Variants in MBOAT2 observed in about 807,000 individuals in gnomAD.
MBOAT2 encodes membrane bound glycerophospholipid O-acyltransferase 2, also known as membrane-bound glycerophospholipid O-acyltransferase 2.
Under a neutral mutation model 63.4 loss-of-function variants are expected in MBOAT2, and 28 were observed. The ratio of observed to expected loss-of-function variants is 0.44; its 90% CI spans 0.33 to 0.61. The LOEUF is 0.61. Ranked by LOEUF, MBOAT2 falls within the 20% of genes least tolerant of loss-of-function variation. The pLI, the probability that MBOAT2 is intolerant of heterozygous loss-of-function variation, is 0.03. For synonymous variants in MBOAT2, 211 were observed against 215.6 expected (o/e 0.98, Z 0.19); for missense variants, 470 against 605.8 (o/e 0.78, Z 2.35).
rs1385936524 is a variant in MBOAT2 at position 9,003,464 on chromosome 2, G to A, written c.75+76C>T. The A allele has an allele frequency of 5.0e-6, 5 of 1,000,698 alleles. No homozygotes were observed. The highest frequency in any genetic ancestry group is 3.4e-5 in the African/African-American group (2 of 58,122). 62.0% of individuals were successfully genotyped at this position (1,000,698 alleles called of 1,614,324 possible). Reference sequence around the variant, plus strand: ...GCCCCAGCCCCCACCCTCCTCCCGGGCCCCCGGTCGGGTGGCACCGCGGCG... The same window carrying A: ...GCCCCAGCCCCCACCCTCCTCCCGGACCCCCGGTCGGGTGGCACCGCGGCG... On this transcript the variant is annotated intron_variant, in intron 1 of 12. Coordinates refer to ENST00000305997, the MANE Select transcript of MBOAT2 (RefSeq NM_138799.4). This position sits in a 1 kb window ranked among gnomAD's most constrained non-coding sequence, Gnocchi z 5.4.
rs1572942641 is a variant in MBOAT2 at position 8,877,203 on chromosome 2, T to C, written c.517A>G (p.Ser173Gly). The change falls in exon 7 of 13, where the codon AGC (serine) becomes GGC (glycine). Residue 173 changes from serine (S) to glycine (G), a missense_variant. Ser to Gly is a moderately conservative substitution (Grantham distance 56). Around this residue, in one of 3 missense-constraint regions of MBOAT2, gnomAD observed 376 missense variants for 503.8 expected, o/e 0.75. Transcript: ENST00000305997. Reference protein sequence around the residue: ...QRDLAVRRMPSLLEYLSYNCN... With the variant: ...QRDLAVRRMPGLLEYLSYNCN... ...TTGTAACTCAAATACTCCAGTAAGC[T>C]TGGCATGCGCCTGCAATGAAAAGAC... 6.2e-7 allele frequency: 1 copy of C among 1,610,708 alleles called. No individual in the cohort carries two copies. Among genetic ancestry groups the C allele is most frequent in the African/African-American group, 1.3e-5 (1 of 74,750 alleles).
intron 5 of MBOAT2, among the ~76,000 whole-genome samples, chr2:8,886,308 C>CT (rs1297114610): frequency 6.6e-6 from 1 of 152,220 alleles, no homozygotes; most frequent in African/African-American, 2.4e-5. Context: ...CACCTTTGTA[C>CT]TTTATTGACT....
intron 3 of MBOAT2, among the ~76,000 whole-genome samples, chr2:8,925,233 A>AT (rs1221623245): frequency 3.9e-5 from 6 of 152,200 alleles, no homozygotes; most frequent in Admixed American, 2.6e-4. Context: ...CTCAGGGGCC[A>AT]TATTTTAATA....
intron 3 of MBOAT2, among the ~76,000 whole-genome samples, 157 bp downstream of exon 3, chr2:8,943,030 T>A (rs1668160146): frequency 6.6e-6 from 1 of 152,224 alleles, no homozygotes; most frequent in African/African-American, 2.4e-5. Context: ...AGAAGAATGA[T>A]GCATACCAAT....
chr2:8,919,797 CCAGGCTGGAGCA>C (rs1346490073), intron 3 of MBOAT2, among the ~76,000 whole-genome samples: 1 of 151,790 alleles, frequency 6.6e-6, no homozygotes, highest in East Asian at 1.9e-4. Flanking sequence ...TCGCTGTTTC[CCAGGCTGGAGCA>C]CAGTGGTACA....
At position 9,000,328 on chromosome 2, in the gene MBOAT2, T is replaced by TA. The variant is rs1427352063; in HGVS notation, c.75+3211_75+3212insT. Among the ~76,000 whole-genome samples, 7 of 152,312 alleles carry TA rather than the reference T, an allele frequency of 4.6e-5. No homozygotes were observed. The East Asian group carries it at 1.3e-3, about 29-fold the overall frequency. On this transcript the variant is annotated intron_variant, in intron 1 of 12. Coordinates refer to ENST00000305997, the MANE Select transcript of MBOAT2 (RefSeq NM_138799.4). ...TTTCTCTCAACTTGGAATAAATGAT[T>TA]TACATTATAAAAATTTTTATTTTGC...
intron 9 of MBOAT2, among the ~76,000 whole-genome samples, chr2:8,865,216 A>T (rs1398604478): frequency 6.6e-6 from 1 of 152,174 alleles, no homozygotes; most frequent in Non-Finnish European, 1.5e-5. Flanking sequence ...TTCAAAATAA[A>T]GTCAAGAAGA....
intron 4 of MBOAT2, among the ~76,000 whole-genome samples, chr2:8,888,403 C>T (rs1213905809): frequency 6.6e-6 from 1 of 152,160 alleles, no homozygotes; most frequent in African/African-American, 2.4e-5. Flanking sequence ...AGGTAAGAAG[C>T]ACGCAGGCAT....
At chr2:8,874,616 C>T (rs1662573898) in intron 7 of MBOAT2, among the ~76,000 whole-genome samples, 1 of 152,134 alleles carries the variant, frequency 6.6e-6, no homozygotes, top group Non-Finnish European at 1.5e-5. Flanking sequence ...AGGTGATATC[C>T]TCAGCCCCCT....
chr2:8,899,993 C>A (rs1177982941), intron 4 of MBOAT2, among the ~76,000 whole-genome samples: 2 of 152,154 alleles, frequency 1.3e-5, no homozygotes, highest in Admixed American at 6.5e-5. Context: ...AATCAATTGA[C>A]CCTCTAGTGA....
At chr2:8,932,010 A>C (rs1321388876) in intron 3 of MBOAT2, among the ~76,000 whole-genome samples, 1 of 152,158 alleles carries the variant, frequency 6.6e-6, no homozygotes, top group Non-Finnish European at 1.5e-5. Context: ...GCCACGCTCA[A>C]TTGTTCTAAT....
intron 1 of MBOAT2, among the ~76,000 whole-genome samples, chr2:9,000,259 T>C (rs1379388819): frequency 6.6e-6 from 1 of 152,254 alleles, no homozygotes; most frequent in East Asian, 1.9e-4. Context: ...GATTTGTCTT[T>C]TTCCTGTTGA....
intron 3 of MBOAT2, among the ~76,000 whole-genome samples, chr2:8,936,156 G>A (rs908379531): frequency 6.6e-6 from 1 of 152,192 alleles, no homozygotes; most frequent in Non-Finnish European, 1.5e-5. Flanking sequence ...TAGTTTGACT[G>A]TAAGCTTCAT....
intron 5 of MBOAT2, among the ~76,000 whole-genome samples, chr2:8,884,272 C>T (rs1297076594): frequency 1.4e-5 from 2 of 142,082 alleles, no homozygotes; most frequent in African/African-American, 5.2e-5. Flanking sequence ...ATTTTTTCTT[C>T]GTATTTCCAA....
chr2:8,949,756 T>C (rs1668685047), intron 2 of MBOAT2, among the ~76,000 whole-genome samples: 1 of 152,234 alleles, frequency 6.6e-6, no homozygotes, highest in African/African-American at 2.4e-5. Context: ...TAGTATAGTT[T>C]TAAGTCATGT....
In MBOAT2 at chr2:8,852,872, A is replaced by G. The variant is rs1660852808; in HGVS notation, c.*5807T>C. On this transcript the variant is annotated 3_prime_UTR_variant, in exon 13 of 13. Transcript: ENST00000305997. ...GAGCACATCTCAGTTTGACTGACACAGTGGGAGTTTTAATTTACCGTACAT... is the reference window on the plus strand; with the variant it reads ...GAGCACATCTCAGTTTGACTGACACGGTGGGAGTTTTAATTTACCGTACAT... The G allele has an allele frequency of 6.6e-6, 1 of 152,244 alleles. No individual in the cohort carries two copies. The highest frequency in any genetic ancestry group is 1.5e-5 in the Non-Finnish European group (1 of 68,046). 9.4% of individuals were successfully genotyped at this position (152,244 alleles called of 1,614,324 possible). A position where few individuals can be genotyped will look rare whatever the true frequency, so the allele number is the denominator to read the frequency against.
At position 8,876,847 on chromosome 2, in the gene MBOAT2, G is replaced by C. The variant is rs1662734186; in HGVS notation, c.690+183C>G. 1.2e-5 allele frequency: 6 copies of C among 518,960 alleles called. No individual in the cohort carries two copies. Among genetic ancestry groups the C allele is most frequent in the South Asian group, 3.4e-5 (1 of 28,990 alleles). 32.1% of individuals were successfully genotyped at this position (518,960 alleles called of 1,614,324 possible). A position where few individuals can be genotyped will look rare whatever the true frequency, so the allele number is the denominator to read the frequency against. The stretch of plus-strand genomic sequence containing the variant: ...AGGAATTTACCACATAGTTTCTCAA[G>C]TGACCTTATTTGTGTTCTTAATCAT... On this transcript the variant is annotated intron_variant, in intron 7 of 12. Coordinates refer to ENST00000305997, the MANE Select transcript of MBOAT2 (RefSeq NM_138799.4).
At chr2:8,934,278 G>A (rs1667511663) in intron 3 of MBOAT2, among the ~76,000 whole-genome samples, 1 of 152,104 alleles carries the variant, frequency 6.6e-6, no homozygotes, top group Non-Finnish European at 1.5e-5. Flanking sequence ...CAGAGACCCT[G>A]TTGGCTCCAC....
chr2:8,860,627 T>C lies in MBOAT2; in HGVS notation c.1323A>G (p.Ser441=), dbSNP rs199507781. 148 of 1,612,634 alleles carry C rather than the reference T, an allele frequency of 9.2e-5. No homozygotes were observed. The African/African-American group carries it at 1.7e-3, about 19-fold the overall frequency. Residue 441 remains serine, a synonymous_variant, in exon 12 of 13, where the codon TCA becomes TCG. Coordinates refer to ENST00000305997, the MANE Select transcript of MBOAT2 (RefSeq NM_138799.4). ...VPFVLLSIKP[S]LTFYSSWYYC... ...GTAACACTTACCTGTAAAACGTGAG[T>C]GATGGTTTTATAGAAAGAAGCACAA...
Sources: allele counts gnomAD v4.1 joint callset (sites outside exome capture counted in the v4.1 genomes callset), GRCh38; gene constraint gnomAD v4.1.1; regional missense constraint gnomAD v4.1.1; non-coding constraint Gnocchi (gnomAD v3.1); transcripts MANE v1.5; gene names NCBI Gene and HGNC (gene_info 2026-07-23, HGNC 2026-07-21).